The following DHRS9 variants were observed in gnomAD, a reference collection of about 807,000 sequenced individuals.
DHRS9 encodes dehydrogenase/reductase 9.
In DHRS9, 18 loss-of-function variants were observed where a neutral mutation model predicts 26.6. The observed-to-expected ratio is 0.68, with a 90% CI of 0.47 to 1.00. DHRS9 has a LOEUF of 1.00. Ranked by LOEUF, DHRS9 falls within the 50% of genes least tolerant of loss-of-function variation. DHRS9 has a pLI of 0.00. For missense variants in DHRS9, 425 were observed against 378.7 expected, an observed-to-expected ratio of 1.12 and a Z score of -1.01; for synonymous variants, 134 against 141.1, an observed-to-expected ratio of 0.95 and a Z score of 0.36.
At chr2:169,076,649 T>C (rs1683971616) in intron 1 of DHRS9, among the ~76,000 whole-genome samples, 1 of 152,214 alleles carries the variant, frequency 6.6e-6, no homozygotes, top group Non-Finnish European at 1.5e-5. Context: ...TCTGACAGTG[T>C]GAAGCCTGGC....
intron 2 of DHRS9, 53 bp downstream of exon 2, chr2:169,081,947 A>G: frequency 2.0e-6 from 3 of 1,502,626 alleles, no homozygotes; most frequent in South Asian, 2.7e-5. Context: ...ATAGGGAGGT[A>G]ACCAAAGCTA....
At position 169,095,643 on chromosome 2, in the gene DHRS9, C is replaced by T. The variant is rs1684672455; in HGVS notation, c.836C>T (p.Thr279Ile). The change falls in exon 5 of 5, where the codon ACT (threonine) becomes ATT (isoleucine). Residue 279 changes from threonine to isoleucine, a missense_variant. Coordinates refer to ENST00000674881, the MANE Select transcript of DHRS9 (RefSeq NM_001376924.1). ...GCTCTAACAAGTCTCTTCCCTAAGA[C>T]TCATTATGCCGCTGGAAAAGATGCC... ...DHALTSLFPK[T>I]HYAAGKDAKI... 6.2e-7 allele frequency: 1 copy of T among 1,613,996 alleles called. No homozygotes were observed. Among genetic ancestry groups the T allele is most frequent in the Non-Finnish European group, 8.5e-7 (1 of 1,179,914 alleles).
upstream of DHRS9, among the ~76,000 whole-genome samples, chr2:169,068,891 G>T (rs562364322): frequency 6.6e-6 from 1 of 152,116 alleles, no homozygotes; most frequent in Admixed American, 6.5e-5. Context: ...TCCCCTCCTC[G>T]CCTGCGGCCT....
chr2:169,083,913 T>C (rs1558953501), intron 3 of DHRS9, among the ~76,000 whole-genome samples: 1 of 152,342 alleles, frequency 6.6e-6, no homozygotes, highest in East Asian at 1.9e-4. Context: ...CCTGTTGTGC[T>C]ATCAAATACT....
intron 3 of DHRS9, among the ~76,000 whole-genome samples, chr2:169,086,027 G>A (rs184768425): frequency 5.9e-5 from 9 of 152,130 alleles, no homozygotes; most frequent in Admixed American, 2.0e-4. Context: ...TTGGATATTG[G>A]TGTCTTCCTC....
intron 1 of DHRS9, among the ~76,000 whole-genome samples, chr2:169,077,448 A>G (rs1422959131): frequency 6.6e-6 from 1 of 152,226 alleles, no homozygotes; most frequent in Admixed American, 6.5e-5. Context: ...AGTAGTAATC[A>G]GCATTAATCA....
At chr2:169,067,411 G>A, upstream of DHRS9, 4 of 1,231,600 alleles carry the variant, frequency 3.2e-6, no homozygotes, top group South Asian at 6.2e-5. Context: ...TTTGGTATTT[G>A]GAAAGGGGTG....
At chr2:169,075,005 G>C (rs1683922004) in intron 1 of DHRS9, among the ~76,000 whole-genome samples, 1 of 150,390 alleles carries the variant, frequency 6.6e-6, no homozygotes, top group African/African-American at 2.5e-5. Flanking sequence ...GAATGGACAA[G>C]GAGTAAAGAG....
Position 169,095,916 on chromosome 2 carries a change from T to C in DHRS9, c.*149T>C, listed in dbSNP as rs1684685473. On this transcript the variant is annotated 3_prime_UTR_variant, in exon 5 of 5. Coordinates refer to ENST00000674881, the MANE Select transcript of DHRS9 (RefSeq NM_001376924.1). ...TTGCAAAAGGGAGTCCCACCATCGCTGGTGGTATCCCAGGGTCCCTGCTCA... is the reference window on the plus strand; with the variant it reads ...TTGCAAAAGGGAGTCCCACCATCGCCGGTGGTATCCCAGGGTCCCTGCTCA... The C allele has an allele frequency of 2.8e-6, 2 of 721,282 alleles. No homozygotes were observed. The highest frequency in any genetic ancestry group is 5.4e-5 in the East Asian group (2 of 36,948). 44.7% of individuals were successfully genotyped at this position (721,282 alleles called of 1,614,324 possible). A position where few individuals can be genotyped will look rare whatever the true frequency, so the allele number is the denominator to read the frequency against.
chr2:169,094,545 G>GTT (rs577110862), intron 4 of DHRS9, among the ~76,000 whole-genome samples: 14 of 137,318 alleles, frequency 1.0e-4, no homozygotes, highest in Non-Finnish European at 1.4e-4. Flanking sequence ...TCTTCTAGTA[G>GTT]TTTTTTTTTT....
chr2:169,081,055 A>AAGAT (rs1301103364), intron 1 of DHRS9: 3 of 817,454 alleles, frequency 3.7e-6, no homozygotes, highest in Non-Finnish European at 4.4e-6. Flanking sequence ...TGACAGTTTG[A>AAGAT]AGATAATTGG....
intron 1 of DHRS9, among the ~76,000 whole-genome samples, chr2:169,079,500 G>GA (rs927592151): frequency 6.6e-6 from 1 of 151,772 alleles, no homozygotes; most frequent in Non-Finnish European, 1.5e-5. Context: ...TTTACAAGCA[G>GA]AAAAAAATAA....
At chr2:169,074,751 G>T (rs1199698232) in intron 1 of DHRS9, among the ~76,000 whole-genome samples, 3 of 149,670 alleles carry the variant, frequency 2.0e-5, no homozygotes, top group Non-Finnish European at 1.5e-5. Context: ...TGATCTAGAG[G>T]AATCTGAACC....
chr2:169,095,202 A>C (rs1684655197), intron 4 of DHRS9, among the ~76,000 whole-genome samples: 1 of 152,108 alleles, frequency 6.6e-6, no homozygotes, highest in Non-Finnish European at 1.5e-5. Context: ...TGATCCCTGG[A>C]CCAGCAGCAT....
At position 169,083,499 on chromosome 2, in the gene DHRS9, G is replaced by A. The variant is rs1684256315; in HGVS notation, c.484G>A (p.Val162Ile). Reference sequence around the variant, plus strand: ...GAAAGCTCAAGGGAGAGTTATTAATGTCTCCAGTGTTGGAGGTCGCCTTGC... The same window carrying A: ...GAAAGCTCAAGGGAGAGTTATTAATATCTCCAGTGTTGGAGGTCGCCTTGC... ...VKKAQGRVIN[V>I]SSVGGRLAIV... is the part of the protein sequence containing the mutation. The change falls in exon 3 of 5, where the codon GTC becomes ATC. Residue 162 changes from valine (V) to isoleucine (I), a missense_variant. Physicochemically the swap from Val to Ile is conservative, Grantham distance 29. Transcript: ENST00000674881. The A allele has an allele frequency of 6.2e-7, 1 of 1,614,074 alleles. No homozygotes were observed. Among genetic ancestry groups the A allele is most frequent in the East Asian group, 2.2e-5 (1 of 44,876 alleles).
At chr2:169,086,078 A>ATC (rs372463641) in intron 3 of DHRS9, among the ~76,000 whole-genome samples, 13 of 150,142 alleles carry the variant, frequency 8.7e-5, no homozygotes, top group Middle Eastern at 3.5e-3. Context: ...TTTCTACCCC[A>ATC]TCTCTCTCTC....
chr2:169,082,561 T>C (rs530994981), intron 2 of DHRS9, among the ~76,000 whole-genome samples: 4 of 152,316 alleles, frequency 2.6e-5, no homozygotes, highest in Non-Finnish European at 5.9e-5. Context: ...ATCTTGATCA[T>C]GTAGCTGAGA....
Position 169,095,704 on chromosome 2 carries a change from A to G in DHRS9, c.897A>G (p.Ala299=). 1.2e-6 allele frequency: 2 copies of G among 1,613,974 alleles called. No individual in the cohort carries two copies. Among genetic ancestry groups the G allele is most frequent in the Non-Finnish European group, 1.7e-6 (2 of 1,179,900 alleles). Residue 299 remains alanine, a synonymous_variant, in exon 5 of 5, where the codon GCA becomes GCG. Coordinates refer to ENST00000674881, the MANE Select transcript of DHRS9 (RefSeq NM_001376924.1). ...GGATACCTCTGTCTCACATGCCAGC[A>G]GCTTTGCAAGACTTTTTATTGTTGA... is the stretch of plus-strand genomic sequence containing the variant. ...IFWIPLSHMP[A]ALQDFLLLKQ...
intron 1 of DHRS9, chr2:169,072,671 A>C (rs1683843351): frequency 1.0e-6 from 1 of 985,082 alleles, no homozygotes; most frequent in Non-Finnish European, 1.2e-6. Flanking sequence ...CAGTTACTAT[A>C]AAGCATTGTG....
Sources: gnomAD v4.1 joint callset for allele counts (sites outside exome capture counted in the v4.1 genomes callset) on GRCh38, gnomAD v4.1.1 for gene constraint, MANE v1.5 for transcripts, NCBI Gene and HGNC (gene_info 2026-07-23, HGNC 2026-07-21) for gene names.